The following TBC1D1 variants were observed in gnomAD, a reference collection of about 807,000 sequenced individuals.
The protein encoded by TBC1D1 is TBC1 domain family member 1, also known as TBC1 (tre-2/USP6, BUB2, cdc16) domain family, member 1.
TBC1D1 carries 89 observed loss-of-function variants against 125.6 expected under a neutral mutation model. That is an observed-to-expected ratio of 0.71 (90% CI 0.60 to 0.85). TBC1D1 has a LOEUF of 0.85. Among genes scored for constraint, TBC1D1 ranks in the 40% least tolerant of loss-of-function variants. The pLI, the probability that TBC1D1 is intolerant of heterozygous loss-of-function variation, is 0.00. For missense variants in TBC1D1, 1,377 were observed against 1,469.2 expected (o/e 0.94, Z 1.03); for synonymous variants, 565 against 564.1 (o/e 1.00, Z -0.02).
chr4:38,101,610 A>G (rs1760348703), intron 14 of TBC1D1, among the ~76,000 whole-genome samples: 1 of 152,170 alleles, frequency 6.6e-6, no homozygotes, highest in Admixed American at 6.5e-5. Flanking sequence ...TCACATGGCA[A>G]TGTCTGTGCA....
At chr4:38,076,576 G>C (rs12233802) in intron 12 of TBC1D1, among the ~76,000 whole-genome samples, 1 of 152,022 alleles carries the variant, frequency 6.6e-6, no homozygotes, top group Non-Finnish European at 1.5e-5. Flanking sequence ...AGGTACACAC[G>C]ACACACTGCT....
intron 10 of TBC1D1, among the ~76,000 whole-genome samples, chr4:38,048,825 C>T (rs573200215): frequency 6.6e-6 from 1 of 152,260 alleles, no homozygotes; most frequent in East Asian, 1.9e-4. Flanking sequence ...GGTAGTAGTT[C>T]ATTCCTTTGA....
intron 2 of TBC1D1, among the ~76,000 whole-genome samples, chr4:37,928,668 C>T (rs1722646851): frequency 6.6e-6 from 1 of 152,212 alleles, no homozygotes; most frequent in East Asian, 1.9e-4. Flanking sequence ...AAACAGCCGA[C>T]CCATGCCAAT....
chr4:38,089,877 A>C, intron 12 of TBC1D1, 55 bp from the exon 15 acceptor site: 1 of 1,499,104 alleles, frequency 6.7e-7, no homozygotes, highest in African/African-American at 1.4e-5. Flanking sequence ...ACTGTGTTTG[A>C]ATGTGCATTT....
At chr4:37,929,391 T>C (rs1325530946) in intron 2 of TBC1D1, among the ~76,000 whole-genome samples, 1 of 152,226 alleles carries the variant, frequency 6.6e-6, no homozygotes, top group Non-Finnish European at 1.5e-5. Context: ...TAGCGTTATA[T>C]CAGCAGTTTC....
Position 37,954,718 on chromosome 4 carries a change from C to T in TBC1D1, c.417+52206C>T, listed in dbSNP as rs184186971. Among the ~76,000 whole-genome samples the T allele has an allele frequency of 3.3e-3, 497 of 151,708 alleles. 3 individuals are homozygous for T. Among genetic ancestry groups the T allele is most frequent in the African/African-American group, 0.011 (464 of 41,336 alleles). On this transcript the variant is annotated intron_variant, in intron 2 of 19. Coordinates refer to ENST00000261439, the MANE Select transcript of TBC1D1 (RefSeq NM_015173.4). Reference sequence around the variant, plus strand: ...GATGCTTTGAAGGTCGGCTCTGAGGCGGAAGTGCCTACTTAGTGATACTGT... The same window carrying T: ...GATGCTTTGAAGGTCGGCTCTGAGGTGGAAGTGCCTACTTAGTGATACTGT...
chr4:38,098,574 GTT>G (rs1759768514), intron 14 of TBC1D1, among the ~76,000 whole-genome samples: 1 of 152,208 alleles, frequency 6.6e-6, no homozygotes, highest in South Asian at 2.1e-4. Flanking sequence ...TTCCTTATGT[GTT>G]GCCTGACTTT....
At chr4:38,026,722 C>T (rs986057137) in intron 6 of TBC1D1, among the ~76,000 whole-genome samples, 24 of 152,114 alleles carry the variant, frequency 1.6e-4, no homozygotes, top group Non-Finnish European at 7.4e-5. Flanking sequence ...TCTCTGGATA[C>T]CAAGAAAAGG....
At chr4:37,938,215 TA>T (rs34934021) in intron 2 of TBC1D1, among the ~76,000 whole-genome samples, 13,215 of 151,464 alleles carry the variant, frequency 0.087, 802 homozygotes, top group Admixed American at 0.18. Flanking sequence ...ACCCCATGTC[TA>T]AAAAAAAATT....
At chr4:38,073,939 C>A (rs1755143338) in intron 12 of TBC1D1, among the ~76,000 whole-genome samples, 1 of 152,174 alleles carries the variant, frequency 6.6e-6, no homozygotes, top group South Asian at 2.1e-4. Flanking sequence ...TTAAGACAAC[C>A]AAAAGGATGT....
intron 2 of TBC1D1, among the ~76,000 whole-genome samples, chr4:37,947,536 C>T (rs1352360940): frequency 6.6e-6 from 1 of 152,176 alleles, no homozygotes; most frequent in Non-Finnish European, 1.5e-5. Context: ...TCATAGCTCA[C>T]TGCAGCCTCG....
At chr4:37,961,213 G>T in intron 2 of TBC1D1, 1 of 728,554 alleles carries the variant, frequency 1.4e-6, no homozygotes, top group Non-Finnish European at 2.2e-6. Flanking sequence ...GTACTCTTTG[G>T]GGATATGTCA....
At position 38,089,996 on chromosome 4, in the gene TBC1D1, C is replaced by T. The variant is rs776919573; in HGVS notation, c.2115C>T (p.Pro705=). 3.1e-6 allele frequency: 5 copies of T among 1,613,870 alleles called. No individual in the cohort carries two copies. The African/African-American group carries it at 5.3e-5, about 17-fold the overall frequency. Residue 705 remains proline (P), a synonymous_variant, in exon 13 of 20, where the codon CCC becomes CCT. Transcript: ENST00000261439. ...TAGAACCAGTTTGTGAAGATGGGCC[C>T]TTTGGCCCCCCACCAGAGGAAAAGA...
At chr4:37,906,370 A>G (rs1389113320) in intron 2 of TBC1D1, among the ~76,000 whole-genome samples, 1 of 152,052 alleles carries the variant, frequency 6.6e-6, no homozygotes, top group Non-Finnish European at 1.5e-5. Context: ...CTGGTCTCGA[A>G]CTCCTGACCT....
intron 14 of TBC1D1, among the ~76,000 whole-genome samples, chr4:38,096,888 G>GA (rs1399316396): frequency 1.3e-5 from 2 of 151,542 alleles, no homozygotes; most frequent in Non-Finnish European, 2.9e-5. Context: ...TTTTTAAAAA[G>GA]AAAAAAAATT....
At chr4:38,035,848 T>C in intron 8 of TBC1D1, 150 bp downstream of exon 8, 1 of 660,210 alleles carries the variant, frequency 1.5e-6, no homozygotes, top group South Asian at 1.8e-5. Flanking sequence ...AATTTGGGAG[T>C]GTTAGACTAT....
chr4:38,006,944 TC>T, intron 2 of TBC1D1: 1 of 440,562 alleles, frequency 2.3e-6, no homozygotes, highest in Non-Finnish European at 4.6e-6. Context: ...AGTGTTGTCA[TC>T]TGGATACCCA....
intron 2 of TBC1D1, among the ~76,000 whole-genome samples, chr4:37,979,782 CT>C (rs1346270020): frequency 6.6e-6 from 1 of 151,692 alleles, no homozygotes; most frequent in Non-Finnish European, 1.5e-5. Context: ...ATGTGTTTTT[CT>C]TTTTTTTTGT....
At chr4:38,035,514 A>G in intron 7 of TBC1D1, 74 bp from the exon 8 acceptor site, 4 of 1,174,814 alleles carry the variant, frequency 3.4e-6, no homozygotes, top group Non-Finnish European at 5.0e-6. Flanking sequence ...GGAAGCTGTT[A>G]GCATTTAAAA....
Sources: gnomAD v4.1 joint callset for allele counts (sites outside exome capture counted in the v4.1 genomes callset) on GRCh38, gnomAD v4.1.1 for gene constraint, MANE v1.5 for transcripts, NCBI Gene and HGNC (gene_info 2026-07-23, HGNC 2026-07-21) for gene names.